Variants in LETM1 observed in about 807,000 individuals in gnomAD.
LETM1 encodes mitochondrial proton/calcium exchanger protein.
A neutral mutation model predicts 74.5 loss-of-function variants in LETM1; 50 were observed. The observed-to-expected ratio is 0.67, with a 90% confidence interval of 0.53 to 0.85. LETM1 has a LOEUF of 0.85. Among genes scored for constraint, LETM1 ranks in the 40% least tolerant of loss-of-function variants. The pLI is 0.00. For synonymous variants in LETM1, 446 were observed against 407.1 expected, an observed-to-expected ratio of 1.10 and a Z score of -1.15; for missense variants, 824 against 967.8, an observed-to-expected ratio of 0.85 and a Z score of 1.97.
intron 10 of LETM1, among the ~76,000 whole-genome samples, chr4:1,821,464 A>G (rs1711772538): frequency 6.6e-6 from 1 of 150,862 alleles, no homozygotes. Context: ...TGAGGCGGGA[A>G]GATCACTTGA....
chr4:1,848,761 A>G (rs896597371), intron 2 of LETM1, among the ~76,000 whole-genome samples: 3 of 151,098 alleles, frequency 2.0e-5, no homozygotes, highest in Non-Finnish European at 2.9e-5. Flanking sequence ...CGCAGTTTCC[A>G]AGAACCTACA....
At chr4:1,817,245 C>CAAAAA (rs60805612) in intron 11 of LETM1, among the ~76,000 whole-genome samples, 4 of 66,078 alleles carry the variant, frequency 6.1e-5, no homozygotes, top group Admixed American at 2.2e-4. Flanking sequence ...ACTCTGTCTC[C>CAAAAA]AAAAAAAAAA....
chr4:1,855,963 G>T lies in LETM1; in HGVS notation c.-13C>A, dbSNP rs1713228643. 2.5e-6 allele frequency: 3 copies of T among 1,210,798 alleles called. No individual in the cohort carries two copies. In the South Asian group the frequency reaches 1.2e-4, roughly 47 times the overall value. The allele number at this position is 1,210,798 out of a possible 1,614,324, so 75.0% of individuals were successfully genotyped here. On this transcript the variant is annotated 5_prime_UTR_variant, in exon 1 of 14. Transcript: ENST00000302787. ...AGATGGACGCCATGTGCTCGGGCGCGGCGGCCGCTCCGGCCTCCTGCGCTG... is the reference window on the plus strand; with the variant it reads ...AGATGGACGCCATGTGCTCGGGCGCTGCGGCCGCTCCGGCCTCCTGCGCTG...
At chr4:1,850,642 C>CAAAA (rs1440876610) in intron 1 of LETM1, among the ~76,000 whole-genome samples, 4 of 83,088 alleles carry the variant, frequency 4.8e-5, no homozygotes, top group African/African-American at 1.4e-4. Context: ...GACTCTGTCT[C>CAAAA]AGAAAAAAAA....
At chr4:1,815,375 C>G (rs1198325713) in intron 13 of LETM1, among the ~76,000 whole-genome samples, 2 of 152,198 alleles carry the variant, frequency 1.3e-5, no homozygotes, top group African/African-American at 4.8e-5. Flanking sequence ...TTTGCTGCAC[C>G]CCCCCGGCTC....
chr4:1,829,250 C>T (rs1577317021), intron 6 of LETM1, among the ~76,000 whole-genome samples: 9 of 141,468 alleles, frequency 6.4e-5, no homozygotes, highest in African/African-American at 1.3e-4. Context: ...CCGGACGGGG[C>T]GGCTGGCCGG....
At position 1,816,083 on chromosome 4, in the gene LETM1, G is replaced by A. The variant is rs139890751; in HGVS notation, c.1932-281C>T. On this transcript the variant is annotated intron_variant, in intron 12 of 13. Transcript: ENST00000302787. ...TGCCCCTCTGGGGCCATGGCTGCTG[G>A]GCTGTTGTCCTCAGGCCTGTGGCCA... Among the ~76,000 whole-genome samples the A allele has an allele frequency of 2.6e-4, 39 of 152,400 alleles. No homozygotes were observed. The East Asian group carries it at 7.5e-3, about 29-fold the overall frequency.
chr4:1,828,128 G>A (rs1396782061), intron 6 of LETM1, among the ~76,000 whole-genome samples: 11 of 119,946 alleles, frequency 9.2e-5, no homozygotes, highest in African/African-American at 3.3e-4. Flanking sequence ...CGGACGGGGC[G>A]GCTGGCCGGG....
intron 6 of LETM1, among the ~76,000 whole-genome samples, chr4:1,828,698 T>C: frequency 1.9e-5 from 2 of 104,620 alleles, no homozygotes; most frequent in African/African-American, 3.9e-5. Context: ...CCCCCCAACC[T>C]CCCTCCCGGA....
chr4:1,855,923 G>A lies in LETM1; in HGVS notation c.28C>T (p.Arg10Cys). 1.6e-6 allele frequency: 2 copies of A among 1,237,042 alleles called. No homozygotes were observed. Among genetic ancestry groups the A allele is most frequent in the East Asian group, 3.4e-5 (1 of 29,774 alleles). 76.6% of individuals were successfully genotyped at this position (1,237,042 alleles called of 1,614,324 possible). ...GGGAGGCGGGCGGGCGCCCGGCCGCGGCAGCTCCTCAGTAAGATGGACGCC... is the reference window on the plus strand; with the variant it reads ...GGGAGGCGGGCGGGCGCCCGGCCGCAGCAGCTCCTCAGTAAGATGGACGCC... MASILLRSC[R>C]GRAPARLPPP... The change falls in exon 1 of 14, where the codon CGC becomes TGC. Residue 10 changes from arginine to cysteine, a missense_variant. Arg to Cys is a radical substitution (Grantham distance 180). Transcript: ENST00000302787.
At position 1,816,541 on chromosome 4, in the gene LETM1, G is replaced by A. The variant is rs1382592726; in HGVS notation, c.1931+186C>T. Among the ~76,000 whole-genome samples, 5 of 152,188 alleles carry A rather than the reference G, an allele frequency of 3.3e-5. No homozygotes were observed. In the South Asian group the frequency reaches 8.3e-4, roughly 25 times the overall value. The stretch of plus-strand genomic sequence containing the variant: ...GGCCAGGAAGGGACGAACTGCTCTC[G>A]GAGAGGCAGAGACTGACATGCCAGA... On this transcript the variant is annotated intron_variant, in intron 12 of 13. Coordinates refer to ENST00000302787, the MANE Select transcript of LETM1 (RefSeq NM_012318.3).
chr4:1,824,363 C>T (rs1035247977), intron 7 of LETM1, among the ~76,000 whole-genome samples: 2 of 152,274 alleles, frequency 1.3e-5, no homozygotes, highest in South Asian at 4.1e-4. Flanking sequence ...TATACGGGCC[C>T]GCAGAGGCAG....
chr4:1,837,088 A>C (rs1712484936), intron 3 of LETM1, among the ~76,000 whole-genome samples: 1 of 152,222 alleles, frequency 6.6e-6, no homozygotes, highest in Admixed American at 6.5e-5. Flanking sequence ...CCATTAAAGA[A>C]ACATCCAATT....
intron 3 of LETM1, 94 bp downstream of exon 3, chr4:1,841,253 G>T (rs1712677030): frequency 8.8e-7 from 1 of 1,134,352 alleles, no homozygotes; most frequent in Admixed American, 2.3e-5. Context: ...GCTGAGGCAG[G>T]AGGATCGCCC....
intron 2 of LETM1, among the ~76,000 whole-genome samples, chr4:1,844,387 G>A (rs1325343228): frequency 6.6e-6 from 1 of 152,180 alleles, no homozygotes; most frequent in Non-Finnish European, 1.5e-5. Flanking sequence ...TTGTTTCTAT[G>A]AGAAAGAAGG....
At chr4:1,829,747 G>C (rs1712202543) in intron 6 of LETM1, among the ~76,000 whole-genome samples, 1 of 152,182 alleles carries the variant, frequency 6.6e-6, no homozygotes, top group Non-Finnish European at 1.5e-5. Flanking sequence ...TTGGGTCCAG[G>C]AGATCAAGGC....
chr4:1,844,217 G>A (rs181548744), intron 2 of LETM1, among the ~76,000 whole-genome samples: 35 of 152,218 alleles, frequency 2.3e-4, no homozygotes, highest in African/African-American at 7.5e-4. Context: ...AACATCCCCC[G>A]GCAAATCCCA....
chr4:1,836,492 C>T lies in LETM1; in HGVS notation c.675G>A (p.Leu225=), dbSNP rs1401332318. The change falls in exon 4 of 14, where the codon CTG becomes CTA. Residue 225 remains leucine (L), a synonymous_variant. Transcript: ENST00000302787. This position sits in a 1 kb window ranked among gnomAD's most constrained non-coding sequence, Gnocchi z 5.8. ...FVVVPFMEFL[L]PVAVKLFPNM... ...TGGGGAAGAGCTTCACAGCAACAGG[C>T]AGCAGAAACTCCATGAACGGCACCA... The T allele has an allele frequency of 1.2e-6, 2 of 1,613,872 alleles. No individual in the cohort carries two copies. Among genetic ancestry groups the T allele is most frequent in the Non-Finnish European group, 1.7e-6 (2 of 1,179,994 alleles).
chr4:1,843,489 C>T (rs1473539072), intron 2 of LETM1, among the ~76,000 whole-genome samples: 1 of 152,248 alleles, frequency 6.6e-6, no homozygotes, highest in African/African-American at 2.4e-5. Flanking sequence ...GCAGCAGGGG[C>T]TCCACTCTGC....
Sources: gnomAD v4.1 joint callset for allele counts (sites outside exome capture counted in the v4.1 genomes callset) on GRCh38, gnomAD v4.1.1 for gene constraint, Gnocchi (gnomAD v3.1) non-coding constraint, MANE v1.5 for transcripts, NCBI Gene and HGNC (gene_info 2026-07-23, HGNC 2026-07-21) for gene names.